ADGRE1: variants seen among roughly 807,000 people sequenced by gnomAD.
ADGRE1 encodes adhesion G protein-coupled receptor E1.
A neutral mutation model predicts 102.7 loss-of-function variants in ADGRE1; 82 were observed. The ratio of observed to expected loss-of-function variants is 0.80; its 90% CI spans 0.67 to 0.96. The LOEUF is 0.96. ADGRE1 is among the 40% of genes least tolerant of loss of function. ADGRE1 has a pLI of 0.00. For synonymous variants in ADGRE1, 398 were observed against 399.6 expected, an observed-to-expected ratio of 1.00 and a Z score of 0.05; for missense variants, 1,032 against 1,085.3, an observed-to-expected ratio of 0.95 and a Z score of 0.69.
Position 6,904,169 on chromosome 19 carries a change from C to T in ADGRE1, c.936C>T (p.Asn312=). 4 of 1,614,056 alleles carry T rather than the reference C, an allele frequency of 2.5e-6. No individual in the cohort carries two copies. The highest frequency in any genetic ancestry group is 3.4e-6 in the Non-Finnish European group (4 of 1,180,032). Residue 312 remains asparagine, a synonymous_variant, in exon 8 of 21, where the codon AAC becomes AAT. Coordinates refer to ENST00000312053, the MANE Select transcript of ADGRE1 (RefSeq NM_001974.5). Reference sequence around the variant, plus strand: ...CAGAAGGCTCCCAGAAAGATGGCAACTTCAGCTGCCAAAGTAATAATCTCT... The same window carrying T: ...CAGAAGGCTCCCAGAAAGATGGCAATTTCAGCTGCCAAAGTAATAATCTCT... ...PNPEGSQKDG[N]FSCQRVLFKC...
At position 6,928,168 on chromosome 19, in the gene ADGRE1, G is replaced by A. The variant is rs771416208; in HGVS notation, c.2246G>A (p.Gly749Glu). Reference sequence around the variant, plus strand: ...AGCTGCTGGCTGAATACAGAGACAGGGTTCATCTGGAGTTTCTTGGGGCCA... The same window carrying A: ...AGCTGCTGGCTGAATACAGAGACAGAGTTCATCTGGAGTTTCTTGGGGCCA... ...HNRCWLNTETGFIWSFLGPVC... is the reference protein window; with the variant it reads ...HNRCWLNTETEFIWSFLGPVC... Residue 749 changes from glycine (G) to glutamate (E), a missense_variant, in exon 17 of 21, where the codon GGG (glycine) becomes GAG (glutamate). Coordinates refer to ENST00000312053, the MANE Select transcript of ADGRE1 (RefSeq NM_001974.5). 2.5e-6 allele frequency: 4 copies of A among 1,614,038 alleles called. No individual in the cohort carries two copies. Among genetic ancestry groups the A allele is most frequent in the East Asian group, 4.5e-5 (2 of 44,882 alleles).
intron 12 of ADGRE1, 86 bp from the exon 13 acceptor site, chr19:6,919,461 TG>T: frequency 1.4e-6 from 1 of 726,642 alleles, no homozygotes; most frequent in African/African-American, 1.7e-5. Context: ...TGTGTGTGTG[TG>T]TGTGTGTGTG....
intron 2 of ADGRE1, among the ~76,000 whole-genome samples, chr19:6,894,756 A>G (rs943614734): frequency 6.6e-6 from 1 of 152,174 alleles, no homozygotes; most frequent in African/African-American, 2.4e-5. Flanking sequence ...GTGGAGGACA[A>G]TGGGGTATAT....
At chr19:6,915,564 A>G (rs1568351143) in intron 11 of ADGRE1, among the ~76,000 whole-genome samples, 1 of 152,060 alleles carries the variant, frequency 6.6e-6, no homozygotes, top group Non-Finnish European at 1.5e-5. Flanking sequence ...TGACTACAGA[A>G]CCTGAGCTCT....
chr19:6,940,155 C>G lies in ADGRE1; in HGVS notation c.*126C>G. On this transcript the variant is annotated 3_prime_UTR_variant, in exon 21 of 21. Coordinates refer to ENST00000312053, the MANE Select transcript of ADGRE1 (RefSeq NM_001974.5). ...TGAGGATCCCACCAGCCCCAGAACC[C>G]TCTGGGGAAGAATGTTGGGGGCGGT... 1 of 1,145,702 alleles carries G rather than the reference C, an allele frequency of 8.7e-7. No individual in the cohort carries two copies. Among genetic ancestry groups the G allele is most frequent in the Non-Finnish European group, 1.3e-6 (1 of 784,814 alleles). The allele number at this position is 1,145,702 out of a possible 1,614,324, so 71.0% of individuals were successfully genotyped here.
intron 13 of ADGRE1, 55 bp from the exon 14 acceptor site, chr19:6,921,658 A>G: frequency 2.0e-6 from 3 of 1,498,178 alleles, no homozygotes; most frequent in South Asian, 2.7e-5. Flanking sequence ...CATTTAATCC[A>G]TTTGATGGGG....
chr19:6,937,553 G>A lies in ADGRE1; in HGVS notation c.2560G>A (p.Glu854Lys), dbSNP rs1568367853. ...HCLLNGQVRE[E>K]YKRWITGKTK... is the part of the protein sequence containing the mutation. ...GTGTCTCCTTCTCCAGGTACGAGAA[G>A]AATACAAGAGGTGGATCACTGGGAA... is the stretch of plus-strand genomic sequence containing the variant. The change falls in exon 20 of 21, where the codon GAA becomes AAA. Residue 854 changes from glutamate (E) to lysine (K), a missense_variant. Glu to Lys is a moderately conservative substitution (Grantham distance 56, BLOSUM62 1). Coordinates refer to ENST00000312053, the MANE Select transcript of ADGRE1 (RefSeq NM_001974.5). 5.0e-6 allele frequency: 8 copies of A among 1,613,582 alleles called. No individual in the cohort carries two copies. Among genetic ancestry groups the A allele is most frequent in the African/African-American group, 1.3e-5 (1 of 74,862 alleles).
rs190157618 is a variant in ADGRE1 at position 6,896,653 on chromosome 19, T to C, written c.238+112T>C. 1.8e-3 allele frequency: 2,287 copies of C among 1,252,412 alleles called. 4 individuals carry two copies. Among genetic ancestry groups the C allele is most frequent in the Non-Finnish European group, 2.3e-3 (2,076 of 909,354 alleles). 77.6% of individuals were successfully genotyped at this position (1,252,412 alleles called of 1,614,324 possible). ...ACCCCCCATTTTTTTTTAAATCTGGTTTAACTATATATTTTAAGTGGAGTA... is the reference window on the plus strand; with the variant it reads ...ACCCCCCATTTTTTTTTAAATCTGGCTTAACTATATATTTTAAGTGGAGTA... On this transcript the variant is annotated intron_variant, in intron 3 of 20. Transcript: ENST00000312053.
At chr19:6,927,205 TCCC>T (rs1261010609) in intron 16 of ADGRE1, among the ~76,000 whole-genome samples, 1 of 58,732 alleles carries the variant, frequency 1.7e-5, no homozygotes, top group Non-Finnish European at 3.3e-5. Flanking sequence ...CCCTCCCTCC[TCCC>T]TTCTTCCTCC....
chr19:6,911,845 A>C (rs1974203850), intron 10 of ADGRE1, among the ~76,000 whole-genome samples: 1 of 151,242 alleles, frequency 6.6e-6, no homozygotes, highest in South Asian at 2.1e-4. Context: ...CACACACCCC[A>C]CACACATTTA....
chr19:6,916,343 C>T lies in ADGRE1; in HGVS notation c.1395C>T (p.Ser465=), dbSNP rs1273941897. 1.2e-6 allele frequency: 2 copies of T among 1,613,532 alleles called. No individual in the cohort carries two copies. Among genetic ancestry groups the T allele is most frequent in the South Asian group, 1.1e-5 (1 of 90,996 alleles). The change falls in exon 12 of 21, where the codon TCC becomes TCT. Residue 465 remains serine (S), a synonymous_variant. Coordinates refer to ENST00000312053, the MANE Select transcript of ADGRE1 (RefSeq NM_001974.5). Reference sequence around the variant, plus strand: ...GGGATAAGATGAAGATCGGGTGTTCCACAATTGAGGAATCTGAATCCACAG... The same window carrying T: ...GGGATAAGATGAAGATCGGGTGTTCTACAATTGAGGAATCTGAATCCACAG... ...AKGDKMKIGC[S]TIEESESTET...
At chr19:6,890,046 G>A (rs938294221) in intron 1 of ADGRE1, among the ~76,000 whole-genome samples, 6 of 151,932 alleles carry the variant, frequency 3.9e-5, no homozygotes, top group Admixed American at 2.6e-4. Flanking sequence ...CTGAGTAGCT[G>A]GGGCTACAAG....
At chr19:6,935,611 G>C (rs973980862) in intron 18 of ADGRE1, among the ~76,000 whole-genome samples, 1 of 151,956 alleles carries the variant, frequency 6.6e-6, no homozygotes, top group African/African-American at 2.4e-5. Flanking sequence ...CACTTAATTT[G>C]CTTCTATGTG....
intron 1 of ADGRE1, among the ~76,000 whole-genome samples, chr19:6,889,007 T>C (rs910588389): frequency 6.6e-6 from 1 of 152,040 alleles, no homozygotes; most frequent in Admixed American, 6.6e-5. Flanking sequence ...GTGATGATGA[T>C]GGTGATGGTG....
chr19:6,925,010 C>T, intron 15 of ADGRE1, 138 bp downstream of exon 15: 1 of 773,704 alleles, frequency 1.3e-6, no homozygotes, highest in Non-Finnish European at 2.0e-6. Context: ...CTGTAACACT[C>T]ACTTCCCAGC....
chr19:6,912,933 G>C (rs1169452366), intron 10 of ADGRE1, among the ~76,000 whole-genome samples: 1 of 152,118 alleles, frequency 6.6e-6, no homozygotes, highest in Admixed American at 6.5e-5. Context: ...TGTCTTTCTT[G>C]CTTGCTTTCT....
At chr19:6,929,737 T>C (rs1387661179) in intron 17 of ADGRE1, among the ~76,000 whole-genome samples, 1 of 152,158 alleles carries the variant, frequency 6.6e-6, no homozygotes, top group Non-Finnish European at 1.5e-5. Context: ...GCCAAGCTGG[T>C]CTCAAACTCC....
chr19:6,896,630 C>G, intron 3 of ADGRE1, 89 bp downstream of exon 3: 3 of 1,443,996 alleles, frequency 2.1e-6, no homozygotes, highest in Non-Finnish European at 2.8e-6. Context: ...ACTCCCCCAC[C>G]CCCCATTTTT....
chr19:6,896,398 G>T lies in ADGRE1; in HGVS notation c.95G>T (p.Gly32Val), dbSNP rs761279030. The T allele has an allele frequency of 1.9e-6, 3 of 1,613,768 alleles. No homozygotes were observed. Among genetic ancestry groups the T allele is most frequent in the Middle Eastern group, 1.7e-4 (1 of 6,060 alleles). Residue 32 changes from glycine (G) to valine (V), a missense_variant and splice_region_variant, in exon 3 of 21, where the codon GGT becomes GTT. Physicochemically the swap from Gly to Val is moderately radical, Grantham distance 109. Coordinates refer to ENST00000312053, the MANE Select transcript of ADGRE1 (RefSeq NM_001974.5). Reference sequence around the variant, plus strand: ...AAACTTTTCTTTATACACTGCCTAGGTAATAACTGTAGAGACAGTACCTTG... The same window carrying T: ...AAACTTTTCTTTATACACTGCCTAGTTAATAACTGTAGAGACAGTACCTTG... Reference protein sequence around the residue: ...IRPTRKPNTKGNNCRDSTLCP... With the variant: ...IRPTRKPNTKVNNCRDSTLCP...
Sources: allele counts gnomAD v4.1 joint callset (sites outside exome capture counted in the v4.1 genomes callset), GRCh38; gene constraint gnomAD v4.1.1; transcripts MANE v1.5; gene names NCBI Gene and HGNC (gene_info 2026-07-23, HGNC 2026-07-21).